NUMB: variants seen among roughly 807,000 people sequenced by gnomAD.
NUMB encodes the protein protein numb homolog.
A neutral mutation model predicts 59.7 loss-of-function variants in NUMB; 29 were observed. The ratio of observed to expected loss-of-function variants is 0.49; its 90% CI spans 0.36 to 0.66. NUMB has a LOEUF of 0.66. Ranked by LOEUF, NUMB falls within the 30% of genes least tolerant of loss-of-function variation. The pLI, the probability that NUMB is intolerant of heterozygous loss-of-function variation, is 0.00. For missense variants in NUMB, 723 were observed against 822.0 expected, an observed-to-expected ratio of 0.88 and a Z score of 1.47; for synonymous variants, 288 against 288.2, an observed-to-expected ratio of 1.00 and a Z score of 0.01.
intron 2 of NUMB, among the ~76,000 whole-genome samples, chr14:73,395,537 C>T (rs777643594): frequency 3.9e-5 from 6 of 152,078 alleles, no homozygotes; most frequent in Non-Finnish European, 8.8e-5. Context: ...GGGAGGACTG[C>T]TTGAGCCCGG....
Position 73,277,008 on chromosome 14 carries a change from T to G in NUMB, c.1526A>C (p.Gln509Pro), listed in dbSNP as rs1197596851. 1.2e-6 allele frequency: 2 copies of G among 1,614,130 alleles called. No homozygotes were observed. Among genetic ancestry groups the G allele is most frequent in the Admixed American group, 1.7e-5 (1 of 60,024 alleles). Residue 509 changes from glutamine to proline, a missense_variant, in exon 13 of 13, where the codon CAG becomes CCG. Gln to Pro is a moderately conservative substitution (Grantham distance 76). Transcript: ENST00000555238. Reference sequence around the variant, plus strand: ...CATTCCATTGGCCACAGGATAGGACTGGGCAGGGACAAAGGCTGGTTGCAG... The same window carrying G: ...CATTCCATTGGCCACAGGATAGGACGGGGCAGGGACAAAGGCTGGTTGCAG... ...PALQPAFVPA[Q>P]SYPVANGMPY...
chr14:73,431,534 G>A (rs11850621), intron 1 of NUMB, among the ~76,000 whole-genome samples: 7,792 of 151,492 alleles, frequency 0.051, 647 homozygotes, highest in African/African-American at 0.18. Context: ...ATCACTTGAG[G>A]TCAGGAGTTC....
At chr14:73,455,742 T>G (rs1281688081) in intron 1 of NUMB, among the ~76,000 whole-genome samples, 1 of 152,236 alleles carries the variant, frequency 6.6e-6, no homozygotes, top group African/African-American at 2.4e-5. Flanking sequence ...TTTTCTCTTT[T>G]GCAGTGTTTC....
intron 12 of NUMB, among the ~76,000 whole-genome samples, chr14:73,278,862 G>A (rs969742004): frequency 1.3e-5 from 2 of 151,570 alleles, no homozygotes; most frequent in South Asian, 2.1e-4. Context: ...TGAGTAGCTG[G>A]GACTATATGC....
At chr14:73,325,301 C>T (rs1392055400) in intron 4 of NUMB, among the ~76,000 whole-genome samples, 3 of 151,964 alleles carry the variant, frequency 2.0e-5, no homozygotes, top group Non-Finnish European at 4.4e-5. Flanking sequence ...GACCCTGTCT[C>T]TACAAAAATA....
chr14:73,446,172 T>C (rs1170448209), intron 1 of NUMB, among the ~76,000 whole-genome samples: 19 of 151,934 alleles, frequency 1.3e-4, no homozygotes, highest in Non-Finnish European at 7.4e-5. Flanking sequence ...AATTTTTGTA[T>C]TTTTAGTAGA....
chr14:73,352,507 TATATATATATATATATATATATG>T lies in NUMB; in HGVS notation c.126+3096_126+3118del, dbSNP rs1566756265. ...ATATATATATATATATATATATATA[TATATATATATATATATATATATG>T]TTTTTTTTTTTTTTTTTTTTTTGAG... On this transcript the variant is annotated intron_variant, in intron 4 of 12. Coordinates refer to ENST00000555238, the MANE Select transcript of NUMB (RefSeq NM_001005743.2). 1.1e-3 allele frequency among the ~76,000 whole-genome samples: 17 copies of T among 15,952 alleles called. 2 individuals carry two copies. The highest frequency in any genetic ancestry group is 5.5e-3 in the African/African-American group (11 of 1,982). The allele number at this position is 15,952 out of a possible 152,430, so 10.5% of individuals were successfully genotyped here.
intron 3 of NUMB, among the ~76,000 whole-genome samples, chr14:73,357,306 G>C (rs1594945624): frequency 6.6e-6 from 1 of 151,452 alleles, no homozygotes; most frequent in Non-Finnish European, 1.5e-5. Flanking sequence ...GGGAGGCTGA[G>C]GCAGGAGAAT....
At chr14:73,279,205 G>A (rs1888430557) in intron 12 of NUMB, 76 bp downstream of exon 12, 6 of 1,552,402 alleles carry the variant, frequency 3.9e-6, no homozygotes, top group Non-Finnish European at 5.3e-6. Flanking sequence ...TTCCCACTCA[G>A]CTAACTGGCT....
chr14:73,398,141 G>A (rs1443132636), intron 2 of NUMB, among the ~76,000 whole-genome samples: 2 of 152,130 alleles, frequency 1.3e-5, no homozygotes, highest in African/African-American at 4.8e-5. Flanking sequence ...ACATAAAAAT[G>A]TAGGTCTGAT....
Position 73,277,225 on chromosome 14 carries a change from G to A in NUMB, c.1309C>T (p.Pro437Ser). Residue 437 changes from proline (P) to serine (S), a missense_variant, in exon 13 of 13, where the codon CCC becomes TCC. By Grantham distance (74) the Pro-to-Ser change is moderately conservative. Around this residue, in one of 2 missense-constraint regions of NUMB, gnomAD observed 406 missense variants for 385.4 expected, o/e 1.05. Transcript: ENST00000555238. ...GLFQAGHRRT[P>S]SEADRWLEEV... The stretch of plus-strand genomic sequence containing the variant: ...TCTAACCATCGGTCGGCCTCAGAGG[G>A]AGTACGTCTATGACCGGCCTGGAAG... The A allele has an allele frequency of 2.5e-6, 4 of 1,614,026 alleles. No homozygotes were observed. Among genetic ancestry groups the A allele is most frequent in the Non-Finnish European group, 3.4e-6 (4 of 1,179,972 alleles).
intron 4 of NUMB, among the ~76,000 whole-genome samples, chr14:73,331,721 G>A (rs1891990636): frequency 2.0e-5 from 3 of 152,106 alleles, no homozygotes; most frequent in Admixed American, 2.0e-4. Context: ...TAATCAGCTA[G>A]TCTCATGAGA....
intron 2 of NUMB, among the ~76,000 whole-genome samples, chr14:73,389,328 A>C (rs1198229729): frequency 6.9e-6 from 1 of 145,798 alleles, no homozygotes; most frequent in African/African-American, 2.5e-5. Flanking sequence ...TTTTATACAT[A>C]TCTTCTCTTT....
rs1566756249 is a variant in NUMB at position 73,352,507 on chromosome 14, T to C, written c.126+3119A>G. ...ATATATATATATATATATATATATA[T>C]ATATATATATATATATATATATGTT... On this transcript the variant is annotated intron_variant, in intron 4 of 12. Transcript: ENST00000555238. Among the ~76,000 whole-genome samples the C allele has an allele frequency of 6.3e-3, 100 of 15,956 alleles. 22 individuals are homozygous for C. The highest frequency in any genetic ancestry group is 7.9e-3 in the East Asian group (2 of 252). The allele number at this position is 15,956 out of a possible 152,430, so 10.5% of individuals were successfully genotyped here. A position where few individuals can be genotyped will look rare whatever the true frequency, so the allele number is the denominator to read the frequency against.
At chr14:73,300,043 T>C (rs1193093441) in intron 6 of NUMB, among the ~76,000 whole-genome samples, 1 of 150,772 alleles carries the variant, frequency 6.6e-6, no homozygotes, top group Non-Finnish European at 1.5e-5. Context: ...GTAGCCATTA[T>C]CATCATTATA....
At chr14:73,382,032 G>A (rs933058374) in intron 2 of NUMB, among the ~76,000 whole-genome samples, 2 of 152,130 alleles carry the variant, frequency 1.3e-5, no homozygotes, top group Non-Finnish European at 2.9e-5. Context: ...GATTTGTGGC[G>A]CTAAAATCCC....
chr14:73,350,695 C>CTTTTT (rs71112733), intron 4 of NUMB, among the ~76,000 whole-genome samples: 1 of 133,728 alleles, frequency 7.5e-6, no homozygotes, highest in Non-Finnish European at 1.6e-5. Context: ...CCACATCTAG[C>CTTTTT]TTTTTTTTTT....
At chr14:73,457,957 T>A (rs1884519446) in intron 1 of NUMB, 1 of 152,542 alleles carries the variant, frequency 6.6e-6, no homozygotes, top group African/African-American at 2.4e-5. Context: ...CCCTCGGCCT[T>A]CCTACCTCCC....
chr14:73,297,848 A>C (rs920752965), intron 6 of NUMB: 7 of 152,052 alleles, frequency 4.6e-5, no homozygotes, highest in African/African-American at 2.4e-5. Flanking sequence ...TTAAAAAGCC[A>C]TTATTTGTTC....
Sources: gnomAD v4.1 joint callset for allele counts (sites outside exome capture counted in the v4.1 genomes callset) on GRCh38, gnomAD v4.1.1 for gene constraint, gnomAD v4.1.1 regional missense constraint, MANE v1.5 for transcripts, NCBI Gene and HGNC (gene_info 2026-07-23, HGNC 2026-07-21) for gene names.